Variants in DCHS2 observed in about 807,000 individuals in gnomAD.
The protein encoded by DCHS2 is dachsous cadherin-related 2.
In DCHS2, 142 loss-of-function variants were observed where a neutral mutation model predicts 182.4. The ratio of observed to expected loss-of-function variants is 0.78; its 90% CI spans 0.68 to 0.89. The LOEUF is 0.89. DCHS2 is among the 40% of genes least tolerant of loss of function. The pLI is 0.00. For synonymous variants in DCHS2, 1,740 were observed against 1,663.3 expected (o/e 1.05, Z -1.12); for missense variants, 4,319 against 4,198.6 (o/e 1.03, Z -0.79).
intron 1 of DCHS2, among the ~76,000 whole-genome samples, chr4:154,440,170 T>G (rs1733941772): frequency 6.6e-6 from 1 of 152,100 alleles, no homozygotes. Flanking sequence ...AAAAGACAGC[T>G]CCTGGAGGAA....
intron 14 of DCHS2, among the ~76,000 whole-genome samples, chr4:154,264,424 C>T (rs1733144451): frequency 6.6e-6 from 1 of 151,764 alleles, no homozygotes; most frequent in African/African-American, 2.4e-5. Flanking sequence ...GAAAAAAATT[C>T]AACAGAACTA....
At position 154,490,164 on chromosome 4, in the gene DCHS2, G is replaced by A. The variant is rs1728750199; in HGVS notation, c.1192C>T (p.Arg398Cys). Residue 398 changes from arginine (R) to cysteine (C), a missense_variant, in exon 1 of 20, where the codon CGC becomes TGC. Coordinates refer to ENST00000357232, the MANE Select transcript of DCHS2 (RefSeq NM_001358235.2). ...ACGTCCAGCACGGCGATGGACACGC[G>A]CACCGTGGCAACCTCAGGCTCGGCG... ...GGAEPEVATV[R>C]VSIAVLDVND... is the part of the protein sequence containing the mutation. 6.5e-7 allele frequency: 1 copy of A among 1,549,360 alleles called. No individual in the cohort carries two copies. Among genetic ancestry groups the A allele is most frequent in the African/African-American group, 1.4e-5 (1 of 73,174 alleles).
At chr4:154,384,073 G>T (rs146800496) in intron 1 of DCHS2, among the ~76,000 whole-genome samples, 1 of 152,056 alleles carries the variant, frequency 6.6e-6, no homozygotes, top group Non-Finnish European at 1.5e-5. Context: ...ATTAAATAAC[G>T]TTTTACATTT....
At chr4:154,404,439 G>T (rs369866417) in intron 1 of DCHS2, among the ~76,000 whole-genome samples, 1 of 152,130 alleles carries the variant, frequency 6.6e-6, no homozygotes, top group African/African-American at 2.4e-5. Context: ...GGTCCAACAC[G>T]TGATCTATGA....
chr4:154,296,697 A>C (rs1325147625), intron 13 of DCHS2, among the ~76,000 whole-genome samples: 7 of 152,174 alleles, frequency 4.6e-5, no homozygotes, highest in Non-Finnish European at 8.8e-5. Flanking sequence ...TTCTTAAAAG[A>C]ATAAGAAAAT....
In DCHS2 at chr4:154,235,237, A is replaced by G. The variant is rs377590785; in HGVS notation, c.9415T>C (p.Ser3139Pro). 3.1e-6 allele frequency: 5 copies of G among 1,613,926 alleles called. No individual in the cohort carries two copies. The highest frequency in any genetic ancestry group is 4.2e-6 in the Non-Finnish European group (5 of 1,179,980). Residue 3139 changes from serine (S) to proline (P), a missense_variant, in exon 20 of 20, where the codon TCA becomes CCA. Ser to Pro is a moderately conservative substitution (Grantham distance 74). Transcript: ENST00000357232. ...CCAGATAGGCAGGAGAGCTGGTCTG[A>G]GTCCCTCGGGATACCCGAGTCTGGC... is the stretch of plus-strand genomic sequence containing the variant. ...RVPDSGIPRD[S>P]DQLSCLSGET...
chr4:154,444,124 C>T (rs1273844715), intron 1 of DCHS2, among the ~76,000 whole-genome samples: 2 of 152,080 alleles, frequency 1.3e-5, no homozygotes, highest in East Asian at 3.9e-4. Flanking sequence ...TTCCTATTTA[C>T]ATTCAACGCA....
Position 154,240,799 on chromosome 4 carries a change from G to T in DCHS2, c.7097C>A (p.Thr2366Asn). The T allele has an allele frequency of 6.2e-7, 1 of 1,613,742 alleles. No homozygotes were observed. The highest frequency in any genetic ancestry group is 2.2e-5 in the East Asian group (1 of 44,818). ...TEDSLPGVIVTHVSVHDVDLN... is the reference protein window; with the variant it reads ...TEDSLPGVIVNHVSVHDVDLN... ...ATCCACATCATGAACTGACACATGA[G>T]TCACAATTACACCAGGCAAAGAATC... Residue 2366 changes from threonine (T) to asparagine (N), a missense_variant, in exon 18 of 20, where the codon ACT becomes AAT. Coordinates refer to ENST00000357232, the MANE Select transcript of DCHS2 (RefSeq NM_001358235.2).
At position 154,233,464 on chromosome 4, in the gene DCHS2, T is replaced by TTAAC. The variant is rs1731285800; in HGVS notation, c.*1068_*1071dup. The TTAAC allele has an allele frequency of 6.6e-6, 1 of 152,216 alleles. No homozygotes were observed. Among genetic ancestry groups the TTAAC allele is most frequent in the South Asian group, 2.1e-4 (1 of 4,828 alleles). The allele number at this position is 152,216 out of a possible 1,614,324, so 9.4% of individuals were successfully genotyped here. A position where few individuals can be genotyped will look rare whatever the true frequency, so the allele number is the denominator to read the frequency against. On this transcript the variant is annotated 3_prime_UTR_variant, in exon 20 of 20. Coordinates refer to ENST00000357232, the MANE Select transcript of DCHS2 (RefSeq NM_001358235.2). ...GTAAAAAGACTTCTGACTTCTATTC[T>TTAAC]TAACTTTTATAGTAGAAACATTTCC...
intron 16 of DCHS2, among the ~76,000 whole-genome samples, chr4:154,254,400 C>T (rs2111151738): frequency 6.6e-6 from 1 of 152,332 alleles, no homozygotes; most frequent in South Asian, 2.1e-4. Context: ...AGTCACATAT[C>T]CTAGAGCTCC....
In DCHS2 at chr4:154,236,086, C is replaced by G. The variant is rs770829294; in HGVS notation, c.8566G>C (p.Asp2856His). Reference protein sequence around the residue: ...NKYCLTVQAKDKGDATASLVV... With the variant: ...NKYCLTVQAKHKGDATASLVV... ...AAGGAGGCAGTTGCATCACCTTTGT[C>G]TTTGGCTTGGACTGTGAGGCAGTAT... is the stretch of plus-strand genomic sequence containing the variant. Residue 2856 changes from aspartate (D) to histidine (H), a missense_variant, in exon 20 of 20, where the codon GAC becomes CAC. Physicochemically the swap from Asp to His is moderately conservative, Grantham distance 81. Transcript: ENST00000357232. The G allele has an allele frequency of 2.5e-6, 4 of 1,613,710 alleles. No individual in the cohort carries two copies. The highest frequency in any genetic ancestry group is 3.4e-6 in the Non-Finnish European group (4 of 1,179,942).
intron 13 of DCHS2, among the ~76,000 whole-genome samples, chr4:154,270,438 A>G (rs1223580635): frequency 6.6e-6 from 1 of 151,860 alleles, no homozygotes; most frequent in Non-Finnish European, 1.5e-5. Context: ...GGATTTTGGG[A>G]AAAAGAGCCA....
chr4:154,369,702 G>T (rs1382763014), intron 2 of DCHS2, among the ~76,000 whole-genome samples: 1 of 152,160 alleles, frequency 6.6e-6, no homozygotes, highest in Non-Finnish European at 1.5e-5. Context: ...TAAATTCCAT[G>T]CATGAGTATG....
intron 3 of DCHS2, among the ~76,000 whole-genome samples, chr4:154,342,962 A>T (rs1481866343): frequency 6.6e-6 from 1 of 152,172 alleles, no homozygotes; most frequent in East Asian, 1.9e-4. Context: ...GAAAGTCAAA[A>T]TTACTCCTTG....
At chr4:154,373,341 TC>T (rs1381031537) in intron 2 of DCHS2, among the ~76,000 whole-genome samples, 1 of 152,120 alleles carries the variant, frequency 6.6e-6, no homozygotes, top group Non-Finnish European at 1.5e-5. Context: ...CTGTAAAAAC[TC>T]AGTTCATCAC....
chr4:154,434,778 T>A (rs1005849557), intron 1 of DCHS2, among the ~76,000 whole-genome samples: 1 of 152,250 alleles, frequency 6.6e-6, no homozygotes, highest in Non-Finnish European at 1.5e-5. Context: ...ATTTTACCTC[T>A]GTGGTCTTCT....
At chr4:154,299,120 T>A (rs1327860364) in intron 12 of DCHS2, among the ~76,000 whole-genome samples, 1 of 152,218 alleles carries the variant, frequency 6.6e-6, no homozygotes, top group Non-Finnish European at 1.5e-5. Flanking sequence ...TGTCCTTTTT[T>A]AAGATATCAA....
At chr4:154,421,329 G>T (rs1286750006) in intron 1 of DCHS2, among the ~76,000 whole-genome samples, 2 of 152,074 alleles carry the variant, frequency 1.3e-5, no homozygotes, top group Non-Finnish European at 2.9e-5. Flanking sequence ...TCACTCCTTT[G>T]CAGTCTGAAA....
At chr4:154,389,205 T>G (rs1731557364) in intron 1 of DCHS2, among the ~76,000 whole-genome samples, 1 of 152,138 alleles carries the variant, frequency 6.6e-6, no homozygotes, top group Non-Finnish European at 1.5e-5. Flanking sequence ...GAAATATTAT[T>G]TCTCTCTCTC....
Sources: gnomAD v4.1 joint callset for allele counts (sites outside exome capture counted in the v4.1 genomes callset) on GRCh38, gnomAD v4.1.1 for gene constraint, MANE v1.5 for transcripts, NCBI Gene and HGNC (gene_info 2026-07-23, HGNC 2026-07-21) for gene names.